Variants in CLASP1 observed in about 807,000 individuals in gnomAD.
The protein encoded by CLASP1 is cytoplasmic linker associated protein 1, also known as CLIP-associating protein 1.
A neutral mutation model predicts 192.3 loss-of-function variants in CLASP1; 38 were observed. The observed-to-expected ratio is 0.20, with a 90% CI of 0.15 to 0.26. The LOEUF (loss-of-function observed/expected upper bound fraction) is 0.26, where lower values mean the gene tolerates loss of function less well. Among genes scored for constraint, CLASP1 ranks in the 10% least tolerant of loss-of-function variants. The probability of loss-of-function intolerance (pLI) is 1.00; values close to 1 mark genes in which losing one functional copy is unlikely to be tolerated. For synonymous variants in CLASP1, 691 were observed against 712.8 expected (o/e 0.97, Z 0.49); for missense variants, 1,433 against 1,932.5 (o/e 0.74, Z 4.85).
intron 14 of CLASP1, among the ~76,000 whole-genome samples, chr2:121,456,241 T>C (rs1044660851): frequency 1.3e-5 from 2 of 151,632 alleles, no homozygotes; most frequent in African/African-American, 4.8e-5. Flanking sequence ...GGCTCACATC[T>C]ATAATCCCAG....
chr2:121,544,200 G>A (rs973352908), intron 2 of CLASP1, among the ~76,000 whole-genome samples: 21 of 152,144 alleles, frequency 1.4e-4, no homozygotes, highest in Admixed American at 6.5e-5. Context: ...TGTAACAGAA[G>A]CCGTTCCAAG....
At chr2:121,487,471 C>T (rs2093049223) in intron 8 of CLASP1, among the ~76,000 whole-genome samples, 1 of 152,164 alleles carries the variant, frequency 6.6e-6, no homozygotes, top group Admixed American at 6.5e-5. Flanking sequence ...TCCCTAATGT[C>T]CTTTATCTGC....
chr2:121,476,190 C>G (rs2091586045), intron 8 of CLASP1, among the ~76,000 whole-genome samples: 1 of 152,178 alleles, frequency 6.6e-6, no homozygotes, highest in African/African-American at 2.4e-5. Context: ...AGGTCTACTA[C>G]TGAGGTCCAG....
chr2:121,348,620 G>C, exon 38 of CLASP1: 1 of 1,613,990 alleles, frequency 6.2e-7, no homozygotes, highest in Non-Finnish European at 8.5e-7. Flanking sequence ...TGATGGGGTA[G>C]TCGGCCGTCT....
chr2:121,433,355 G>A (rs142787058), intron 19 of CLASP1, among the ~76,000 whole-genome samples: 25 of 149,352 alleles, frequency 1.7e-4, no homozygotes, highest in African/African-American at 5.6e-4. Flanking sequence ...ATTCATTTCT[G>A]TGCCTAGTTG....
In CLASP1 at chr2:121,347,158, G is replaced by A. The variant is rs545881266; in HGVS notation, c.4414-4C>T. 3.9e-6 allele frequency: 6 copies of A among 1,556,914 alleles called. No individual in the cohort carries two copies. The highest frequency in any genetic ancestry group is 1.4e-5 in the African/African-American group (1 of 73,780). On this transcript the variant is annotated splice_polypyrimidine_tract_variant and splice_region_variant and intron_variant, in intron 38 of 39. Coordinates refer to ENST00000263710, the Ensembl canonical transcript of CLASP1. ...TACTTTCGGTGTTGTCATAACCCTA[G>A]AGAGCCAGAAGGGAACACGAAAAGG...
At chr2:121,525,045 T>C (rs1385878665) in intron 6 of CLASP1, among the ~76,000 whole-genome samples, 1 of 152,194 alleles carries the variant, frequency 6.6e-6, no homozygotes, top group Non-Finnish European at 1.5e-5. Context: ...TTAGCAGTTA[T>C]CAACCAAGAT....
At chr2:121,515,871 G>A in intron 6 of CLASP1, 109 bp from the exon 7 acceptor site, 2 of 798,838 alleles carry the variant, frequency 2.5e-6, no homozygotes, top group Non-Finnish European at 4.3e-6. Flanking sequence ...TTTTACCAGT[G>A]CAACTGTGAA....
At chr2:121,551,480 C>T (rs571556242) in intron 2 of CLASP1, among the ~76,000 whole-genome samples, 39 of 152,204 alleles carry the variant, frequency 2.6e-4, no homozygotes, top group East Asian at 9.6e-4. Context: ...GCTCATTCAG[C>T]GATCAACAAC....
chr2:121,403,702 T>C, intron 26 of CLASP1: 1 of 457,262 alleles, frequency 2.2e-6, no homozygotes, highest in Non-Finnish European at 4.4e-6. Context: ...AAAGATACCC[T>C]GTCTCACGTC....
At position 121,508,599 on chromosome 2, in the gene CLASP1, T is replaced by C. The variant is rs539766226; in HGVS notation, c.645-5365A>G. ...AAATAAGACTCAACTTTATAGTGTCTACAAGAGACTCACTGTATTTATTTT... is the reference window on the plus strand; with the variant it reads ...AAATAAGACTCAACTTTATAGTGTCCACAAGAGACTCACTGTATTTATTTT... On this transcript the variant is annotated intron_variant, in intron 7 of 39. Transcript: ENST00000263710. Among the ~76,000 whole-genome samples, 66 of 152,288 alleles carry C rather than the reference T, an allele frequency of 4.3e-4. 3 individuals carry two copies. In the South Asian group the frequency reaches 0.013, roughly 30 times the overall value.
At chr2:121,445,556 G>T in intron 19 of CLASP1, 1 of 906,606 alleles carries the variant, frequency 1.1e-6, no homozygotes, top group Non-Finnish European at 1.6e-6. Context: ...GATGTCATGT[G>T]TCAACCTAGG....
At chr2:121,466,759 C>T (rs2089670595) in intron 9 of CLASP1, among the ~76,000 whole-genome samples, 1 of 152,202 alleles carries the variant, frequency 6.6e-6, no homozygotes, top group Admixed American at 6.5e-5. Flanking sequence ...CCATACTGGT[C>T]TCACAAGGAA....
intron 1 of CLASP1, among the ~76,000 whole-genome samples, chr2:121,638,691 G>C (rs1471817172): frequency 6.7e-6 from 1 of 149,052 alleles, no homozygotes; most frequent in Admixed American, 6.7e-5. Flanking sequence ...TTTTGAGACA[G>C]AGTTTTGCTC....
intron 34 of CLASP1, among the ~76,000 whole-genome samples, chr2:121,372,441 T>TA (rs1346225466): frequency 6.6e-6 from 1 of 152,220 alleles, no homozygotes; most frequent in Admixed American, 6.5e-5. Flanking sequence ...CTCAAATATC[T>TA]AACTTCTGCC....
intron 3 of CLASP1, 111 bp downstream of exon 3, chr2:121,530,136 G>C (rs1483325667): frequency 1.2e-5 from 10 of 850,688 alleles, no homozygotes; most frequent in Non-Finnish European, 1.9e-5. Context: ...GAGGGAGAGG[G>C]GGCTGGAGGG....
At chr2:121,390,993 C>T (rs575177062) in intron 30 of CLASP1, among the ~76,000 whole-genome samples, 39 of 151,994 alleles carry the variant, frequency 2.6e-4, no homozygotes, top group Middle Eastern at 6.8e-3. Flanking sequence ...TAATATCTTT[C>T]GTTTTTACTA....
At chr2:121,451,648 AT>A in intron 15 of CLASP1, 141 bp downstream of exon 15, 4 of 645,884 alleles carry the variant, frequency 6.2e-6, no homozygotes, top group Non-Finnish European at 1.1e-5. Context: ...TGTGGCCAAC[AT>A]CAGTAAAACA....
intron 8 of CLASP1, among the ~76,000 whole-genome samples, chr2:121,499,698 G>A (rs2150219728): frequency 6.6e-6 from 1 of 151,926 alleles, no homozygotes; most frequent in East Asian, 1.9e-4. Context: ...CTCAGATAAG[G>A]GCATTTGACT....
Sources: gnomAD v4.1 joint callset for allele counts (sites outside exome capture counted in the v4.1 genomes callset) on GRCh38, gnomAD v4.1.1 for gene constraint, MANE v1.5 for transcripts, NCBI Gene and HGNC (gene_info 2026-07-23, HGNC 2026-07-21) for gene names.